The following ARMC9 variants were observed in gnomAD, a reference collection of about 807,000 sequenced individuals.
ARMC9 encodes the protein lisH domain-containing protein ARMC9.
ARMC9 carries 94 observed loss-of-function variants against 107.0 expected under a neutral mutation model. The observed-to-expected ratio is 0.88, with a 90% CI of 0.74 to 1.04. ARMC9 has a LOEUF of 1.04. ARMC9 is among the 50% of genes least tolerant of loss of function. The pLI, the probability that ARMC9 is intolerant of heterozygous loss-of-function variation, is 0.00. For synonymous variants in ARMC9, 380 were observed against 396.9 expected, an observed-to-expected ratio of 0.96 and a Z score of 0.51; for missense variants, 942 against 1,030.1, an observed-to-expected ratio of 0.91 and a Z score of 1.17.
At chr2:231,299,101 T>C (rs1398270780) in intron 19 of ARMC9, among the ~76,000 whole-genome samples, 1 of 152,232 alleles carries the variant, frequency 6.6e-6, no homozygotes, top group African/African-American at 2.4e-5. Context: ...CGTTTTTCTC[T>C]GTAATTTATA....
rs756512794 is a variant in ARMC9 at position 231,369,932 on chromosome 2, A to G, written c.2262-21A>G. ...CTAATGCTGTAGTAGCTGGGACTCC[A>G]GGTTGCACGTTTTGTTCTAGGGAAT... is the stretch of plus-strand genomic sequence containing the variant. On this transcript the variant is annotated intron_variant, in intron 23 of 24. Coordinates refer to ENST00000611582, the MANE Select transcript of ARMC9 (RefSeq NM_001352754.2). The G allele has an allele frequency of 1.8e-5, 27 of 1,465,806 alleles. No individual in the cohort carries two copies. The South Asian group carries it at 3.4e-4, about 18-fold the overall frequency. The allele number at this position is 1,465,806 out of a possible 1,614,324, so 90.8% of individuals were successfully genotyped here.
At chr2:231,270,180 G>A (rs1410325118) in intron 12 of ARMC9, among the ~76,000 whole-genome samples, 3 of 152,160 alleles carry the variant, frequency 2.0e-5, no homozygotes, top group Non-Finnish European at 4.4e-5. Flanking sequence ...AAGTTTTGGG[G>A]TGGCCCTCTG....
intron 21 of ARMC9, among the ~76,000 whole-genome samples, chr2:231,354,260 A>G (rs1208115105): frequency 1.5e-5 from 2 of 131,280 alleles, no homozygotes; most frequent in Non-Finnish European, 3.2e-5. Flanking sequence ...CCTCATCTCC[A>G]TTTAAAAAAA....
chr2:231,292,471 A>G (rs914824623), intron 18 of ARMC9, among the ~76,000 whole-genome samples: 2 of 152,170 alleles, frequency 1.3e-5, no homozygotes, highest in East Asian at 1.9e-4. Context: ...TGATGTTGCC[A>G]ACTGCAGTGT....
intron 16 of ARMC9, 47 bp from the exon 17 acceptor site, chr2:231,282,012 A>G (rs1362126241): frequency 3.2e-6 from 5 of 1,549,402 alleles, no homozygotes; most frequent in Middle Eastern, 1.7e-4. Flanking sequence ...AGAGTTGTGC[A>G]GTATTTGAAA....
At chr2:231,285,254 A>G (rs2040506357) in intron 17 of ARMC9, among the ~76,000 whole-genome samples, 1 of 152,150 alleles carries the variant, frequency 6.6e-6, no homozygotes, top group South Asian at 2.1e-4. Flanking sequence ...AATGATAGCC[A>G]GATCTGTTAA....
At chr2:231,237,753 G>GTATATATATA (rs1226959333) in intron 8 of ARMC9, among the ~76,000 whole-genome samples, 20 of 24,448 alleles carry the variant, frequency 8.2e-4, no homozygotes, top group Non-Finnish European at 1.2e-3. Context: ...TTGGCTATAT[G>GTATATATATA]TATATATATA....
chr2:231,248,855 C>T (rs1039378348), intron 9 of ARMC9, among the ~76,000 whole-genome samples: 4 of 151,714 alleles, frequency 2.6e-5, no homozygotes, highest in South Asian at 4.2e-4. Context: ...CAGCCCCTTC[C>T]GCATCTGATG....
chr2:231,374,074 T>A lies in ARMC9; in HGVS notation c.*2539T>A, dbSNP rs901166417. ...ATATACTTTGTAAAATACCAACAAC[T>A]TATTCACAAATATTCCAACTATCTA... On this transcript the variant is annotated 3_prime_UTR_variant, in exon 25 of 25. Coordinates refer to ENST00000611582, the MANE Select transcript of ARMC9 (RefSeq NM_001352754.2). 1 of 152,158 alleles carries A rather than the reference T, an allele frequency of 6.6e-6. No homozygotes were observed. Among genetic ancestry groups the A allele is most frequent in the African/African-American group, 2.4e-5 (1 of 41,428 alleles). The allele number at this position is 152,158 out of a possible 1,614,324, so 9.4% of individuals were successfully genotyped here.
At position 231,344,963 on chromosome 2, in the gene ARMC9, T is replaced by G. The variant is rs1037435283; in HGVS notation, c.1879-12T>G. On this transcript the variant is annotated splice_polypyrimidine_tract_variant and intron_variant, in intron 20 of 24. Transcript: ENST00000611582. ...TATTTCTCCAGCCCTTTTTTCTCTTTCCTTCCACCAGATCATGACCAACAC... is the reference window on the plus strand; with the variant it reads ...TATTTCTCCAGCCCTTTTTTCTCTTGCCTTCCACCAGATCATGACCAACAC... 1.2e-6 allele frequency: 2 copies of G among 1,613,870 alleles called. No homozygotes were observed. The highest frequency in any genetic ancestry group is 1.7e-6 in the Non-Finnish European group (2 of 1,179,930).
At chr2:231,340,755 G>T (rs2044447334) in intron 20 of ARMC9, among the ~76,000 whole-genome samples, 1 of 152,116 alleles carries the variant, frequency 6.6e-6, no homozygotes, top group African/African-American at 2.4e-5. Context: ...AGGCATGGTG[G>T]CACATGCCTG....
chr2:231,334,785 C>T (rs1010543983), intron 20 of ARMC9, among the ~76,000 whole-genome samples: 14 of 152,136 alleles, frequency 9.2e-5, no homozygotes, highest in African/African-American at 2.9e-4. Flanking sequence ...CTCTGTGTGC[C>T]GGGTTGGGGA....
At chr2:231,200,332 T>C (rs1399835077) in intron 1 of ARMC9, among the ~76,000 whole-genome samples, 2 of 152,156 alleles carry the variant, frequency 1.3e-5, no homozygotes, top group African/African-American at 2.4e-5. Flanking sequence ...TACTAGACAC[T>C]CTGTTAGGTT....
At chr2:231,357,301 A>G (rs2045382823) in intron 22 of ARMC9, among the ~76,000 whole-genome samples, 1 of 152,170 alleles carries the variant, frequency 6.6e-6, no homozygotes, top group Non-Finnish European at 1.5e-5. Flanking sequence ...CAGCCCCCAG[A>G]TGGACCGGCT....
At chr2:231,267,361 G>C (rs2038944227) in intron 12 of ARMC9, among the ~76,000 whole-genome samples, 1 of 152,172 alleles carries the variant, frequency 6.6e-6, no homozygotes, top group Admixed American at 6.5e-5. Flanking sequence ...CTCCTGAGTG[G>C]CTGGGACTAC....
chr2:231,334,866 A>AT (rs1468842816), intron 20 of ARMC9, among the ~76,000 whole-genome samples: 1 of 151,796 alleles, frequency 6.6e-6, no homozygotes, highest in Non-Finnish European at 1.5e-5. Context: ...TTAAATTCAC[A>AT]TTTTTGTCGC....
intron 22 of ARMC9, among the ~76,000 whole-genome samples, chr2:231,356,778 A>G (rs2045360740): frequency 6.6e-6 from 1 of 152,230 alleles, no homozygotes; most frequent in South Asian, 2.1e-4. Context: ...AGCTGTAAAT[A>G]TTAATATGCT....
chr2:231,342,744 A>G (rs2125580359), intron 20 of ARMC9, among the ~76,000 whole-genome samples: 1 of 152,212 alleles, frequency 6.6e-6, no homozygotes, highest in African/African-American at 2.4e-5. Flanking sequence ...GCCTTGGTAG[A>G]TTTCTTTAGA....
chr2:231,327,905 C>T (rs1457993223), intron 19 of ARMC9, among the ~76,000 whole-genome samples: 1 of 152,158 alleles, frequency 6.6e-6, no homozygotes, highest in African/African-American at 2.4e-5. Context: ...ATGCTTCAAC[C>T]TCCAAAGTAG....
Sources: allele counts gnomAD v4.1 joint callset (sites outside exome capture counted in the v4.1 genomes callset), GRCh38; gene constraint gnomAD v4.1.1; transcripts MANE v1.5; gene names NCBI Gene and HGNC (gene_info 2026-07-23, HGNC 2026-07-21).